The following SDHB variants were observed in gnomAD, a reference collection of about 807,000 sequenced individuals.
SDHB encodes the protein succinate dehydrogenase [ubiquinone] iron-sulfur subunit, mitochondrial.
A neutral mutation model predicts 39.7 loss-of-function variants in SDHB; 21 were observed. The ratio of observed to expected loss-of-function variants is 0.53; its 90% confidence interval spans 0.37 to 0.76. The LOEUF (loss-of-function observed/expected upper bound fraction) is 0.76, where lower values mean the gene tolerates loss of function less well. Among genes scored for constraint, SDHB ranks in the 30% least tolerant of loss-of-function variants. The pLI is 0.00. For missense variants in SDHB, 343 were observed against 350.9 expected (o/e 0.98, Z 0.18); for synonymous variants, 118 against 117.0 (o/e 1.01, Z -0.06).
At chr1:17,035,934 C>T (rs1212268648) in intron 2 of SDHB, among the ~76,000 whole-genome samples, 2 of 152,050 alleles carry the variant, frequency 1.3e-5, no homozygotes, top group Non-Finnish European at 2.9e-5. Flanking sequence ...GCAGATCATA[C>T]TGGGACAGAG....
intron 2 of SDHB, among the ~76,000 whole-genome samples, chr1:17,036,487 T>C (rs2078050663): frequency 6.6e-6 from 1 of 151,982 alleles, no homozygotes; most frequent in African/African-American, 2.4e-5. Flanking sequence ...CTAACTTTTT[T>C]TGTAGAGATG....
rs776093267 is a variant in SDHB, at chr1:17,018,939, G to A, written c.785C>T (p.Ala262Val). 6.2e-6 allele frequency: 10 copies of A among 1,611,472 alleles called. No individual in the cohort carries two copies. The highest frequency in any genetic ancestry group is 8.5e-6 in the Non-Finnish European group (10 of 1,178,106). The change falls in exon 8 of 8, where the codon GCT (alanine) becomes GTT (valine). Residue 262 changes from alanine (A) to valine (V), a missense_variant. Ala to Val is a moderately conservative substitution (Grantham distance 64, BLOSUM62 0). Transcript: ENST00000375499. ...CATCATTTTCTTGATCTCTGCAATA[G>A]CTTTCCCTGGATTCAGACCCTTGAA... The part of the protein sequence containing the change: ...TCPKGLNPGK[A>V]IAEIKKMMAT...
At chr1:17,048,871 G>T (rs949039996) in intron 1 of SDHB, among the ~76,000 whole-genome samples, 10 of 151,560 alleles carry the variant, frequency 6.6e-5, no homozygotes, top group Non-Finnish European at 1.5e-4. Context: ...CCACCACGCC[G>T]AGCTAATTTT....
intron 1 of SDHB, among the ~76,000 whole-genome samples, chr1:17,047,583 T>A (rs2078119160): frequency 6.7e-6 from 1 of 149,726 alleles, no homozygotes; most frequent in African/African-American, 2.5e-5. Flanking sequence ...CTAGGGAGGC[T>A]GAGGCAGGAG....
rs1030777746 is a variant in SDHB at position 17,022,903 on chromosome 1, T to C, written c.643-173A>G. The C allele has an allele frequency of 8.2e-5, 64 of 776,476 alleles. No individual in the cohort carries two copies. The Middle Eastern group carries it at 2.3e-3, about 27-fold the overall frequency. The allele number at this position is 776,476 out of a possible 1,614,324, so 48.1% of individuals were successfully genotyped here. A position where few individuals can be genotyped will look rare whatever the true frequency, so the allele number is the denominator to read the frequency against. The stretch of plus-strand genomic sequence containing the variant: ...TTCAAGGAAAGGTTCCCAACACTTG[T>C]AGCTTCACTTGATTAATGGTCCCTG... On this transcript the variant is annotated intron_variant, in intron 6 of 7. Transcript: ENST00000375499.
At chr1:17,047,930 T>C (rs2078123159) in intron 1 of SDHB, among the ~76,000 whole-genome samples, 1 of 152,068 alleles carries the variant, frequency 6.6e-6, no homozygotes, top group Admixed American at 6.6e-5. Flanking sequence ...ATCCTCTGCC[T>C]GGCCCTCCCG....
At position 17,027,777 on chromosome 1, in the gene SDHB, A is replaced by G; in HGVS notation, c.512T>C (p.Leu171Pro). The change falls in exon 5 of 8, where the codon CTG (leucine) becomes CCG (proline). Residue 171 changes from leucine (L) to proline (P), a missense_variant. Leu to Pro is a moderately conservative substitution (Grantham distance 98, BLOSUM62 -3). Coordinates refer to ENST00000375499, the MANE Select transcript of SDHB (RefSeq NM_003000.3). ...DESQEGKQQYLQSIEEREKLD... is the reference protein window; with the variant it reads ...DESQEGKQQYPQSIEEREKLD... ...TTTCTCACGCTCTTCTATGGACTGC[A>G]GATACTGCTGCTTGCCTTCCTGAGA... The G allele has an allele frequency of 6.2e-7, 1 of 1,607,946 alleles. No homozygotes were observed. The highest frequency in any genetic ancestry group is 8.5e-7 in the Non-Finnish European group (1 of 1,174,392).
intron 1 of SDHB, among the ~76,000 whole-genome samples, chr1:17,048,116 T>C (rs2078123923): frequency 6.6e-6 from 1 of 152,222 alleles, no homozygotes; most frequent in South Asian, 2.1e-4. Context: ...TGCCCTTTTA[T>C]AGCCCTGTCC....
At chr1:17,024,598 C>G (rs2077982267) in intron 5 of SDHB, among the ~76,000 whole-genome samples, 1 of 152,206 alleles carries the variant, frequency 6.6e-6, no homozygotes, top group Non-Finnish European at 1.5e-5. Flanking sequence ...TCACAGTAAT[C>G]CTGTGAGGTG....
At position 17,018,856 on chromosome 1, in the gene SDHB, T is replaced by C. The variant is rs746978845; in HGVS notation, c.*25A>G. The C allele has an allele frequency of 6.4e-7, 1 of 1,555,952 alleles. No homozygotes were observed. The highest frequency in any genetic ancestry group is 1.4e-5 in the African/African-American group (1 of 73,846). Reference sequence around the variant, plus strand: ...ATTATGTTCAGCTCTGAGCTGGTTATAAATCATGTTTAGCATGGAAACAGT... The same window carrying C: ...ATTATGTTCAGCTCTGAGCTGGTTACAAATCATGTTTAGCATGGAAACAGT... On this transcript the variant is annotated 3_prime_UTR_variant, in exon 8 of 8. Transcript: ENST00000375499.
At chr1:17,019,808 A>C (rs141722701) in intron 7 of SDHB, among the ~76,000 whole-genome samples, 1 of 152,120 alleles carries the variant, frequency 6.6e-6, no homozygotes, top group South Asian at 2.1e-4. Context: ...ATCATAGTTC[A>C]CTGTGGCCTG....
chr1:17,043,504 C>T (rs2078092725), intron 2 of SDHB, among the ~76,000 whole-genome samples: 1 of 152,144 alleles, frequency 6.6e-6, no homozygotes, highest in South Asian at 2.1e-4. Flanking sequence ...TTTGGTGCCA[C>T]AGAAGCTTTT....
In SDHB at chr1:17,049,647, C is replaced by CTTT. The variant is rs397835910; in HGVS notation, c.72+4298_72+4300dup. 3.8e-3 allele frequency among the ~76,000 whole-genome samples: 196 copies of CTTT among 52,058 alleles called. 46 individuals are homozygous for CTTT. The highest frequency in any genetic ancestry group is 0.014 in the African/African-American group (146 of 10,172). 34.2% of individuals were successfully genotyped at this position (52,058 alleles called of 152,430 possible). A position where few individuals can be genotyped will look rare whatever the true frequency, so the allele number is the denominator to read the frequency against. ...GGGACTGGAGCATAATCCCCTAGTT[C>CTTT]TTTTTTTTTTTTTTTTTTTTTTTTT... is the stretch of plus-strand genomic sequence containing the variant. On this transcript the variant is annotated intron_variant, in intron 1 of 7. Coordinates refer to ENST00000375499, the MANE Select transcript of SDHB (RefSeq NM_003000.3).
chr1:17,050,655 C>CAAA (rs34806121), intron 1 of SDHB, among the ~76,000 whole-genome samples: 157 of 134,902 alleles, frequency 1.2e-3, no homozygotes, highest in Middle Eastern at 4.0e-3. Context: ...GACTCTGTCT[C>CAAA]AAAAAAAAAA....
At chr1:17,036,769 AATATATAAATATAAATAC>A (rs1437627738) in intron 2 of SDHB, among the ~76,000 whole-genome samples, 3 of 141,942 alleles carry the variant, frequency 2.1e-5, no homozygotes, top group Non-Finnish European at 4.6e-5. Context: ...TATAAATATG[AATATATAAATATAAATAC>A]ATATATAAAT....
At chr1:17,022,327 C>T (rs1013139650) in intron 7 of SDHB, among the ~76,000 whole-genome samples, 3 of 152,164 alleles carry the variant, frequency 2.0e-5, no homozygotes, top group Admixed American at 6.5e-5. Flanking sequence ...GAAGGTTGAA[C>T]GCAGGTACCT....
At chr1:17,023,015 A>G (rs2077970817) in intron 6 of SDHB, 1 of 398,362 alleles carries the variant, frequency 2.5e-6, no homozygotes, top group East Asian at 5.5e-5. Flanking sequence ...ACATTGCTCA[A>G]TAGCTTCCTA....
At chr1:17,032,800 G>A (rs1010505864) in intron 3 of SDHB, 6 of 524,222 alleles carry the variant, frequency 1.1e-5, no homozygotes, top group Admixed American at 6.3e-5. Context: ...GCCTTGAAGC[G>A]TGGAGCAGCT....
chr1:17,025,289 G>A (rs2077985590), intron 5 of SDHB, among the ~76,000 whole-genome samples: 1 of 151,556 alleles, frequency 6.6e-6, no homozygotes, highest in Non-Finnish European at 1.5e-5. Flanking sequence ...GAAAAAAGCA[G>A]GATATAAAAG....
Sources: gnomAD v4.1 joint callset for allele counts (sites outside exome capture counted in the v4.1 genomes callset) on GRCh38, gnomAD v4.1.1 for gene constraint, MANE v1.5 for transcripts, NCBI Gene and HGNC (gene_info 2026-07-23, HGNC 2026-07-21) for gene names.